Variants in NMU observed in about 807,000 individuals in gnomAD.
The protein encoded by NMU is neuromedin-U.
A neutral mutation model predicts 35.4 loss-of-function variants in NMU; 29 were observed. The ratio of observed to expected loss-of-function variants is 0.82; its 90% CI spans 0.61 to 1.12. The LOEUF (loss-of-function observed/expected upper bound fraction) is 1.12, where lower values mean the gene tolerates loss of function less well. Among genes scored for constraint, NMU ranks in the 50% most tolerant of loss-of-function variants. The pLI is 0.00. For missense variants in NMU, 199 were observed against 206.2 expected (o/e 0.97, Z 0.21); for synonymous variants, 78 against 81.3 (o/e 0.96, Z 0.22).
intron 1 of NMU, among the ~76,000 whole-genome samples, chr4:55,632,610 A>G (rs1715659531): frequency 6.6e-6 from 1 of 152,188 alleles, no homozygotes; most frequent in African/African-American, 2.4e-5. Context: ...CCCTGAGCTC[A>G]TTGTTTTCAG....
chr4:55,618,960 C>T (rs1444939696), intron 2 of NMU, among the ~76,000 whole-genome samples: 1 of 149,650 alleles, frequency 6.7e-6, no homozygotes, highest in Non-Finnish European at 1.5e-5. Context: ...GCCTTGACTT[C>T]TTGGGCTCAA....
intron 8 of NMU, 30 bp downstream of exon 8, chr4:55,600,492 T>A: frequency 7.0e-7 from 1 of 1,435,206 alleles, no homozygotes; most frequent in African/African-American, 1.4e-5. Flanking sequence ...TGGTGTAGAT[T>A]GATTTTTTAA....
chr4:55,603,162 AT>A (rs546911756), intron 7 of NMU, among the ~76,000 whole-genome samples: 129 of 150,972 alleles, frequency 8.5e-4, no homozygotes, highest in Admixed American at 3.8e-3. Context: ...ATGCCAGCTG[AT>A]TTTTTTTTGT....
At chr4:55,605,223 A>T in intron 7 of NMU, 52 bp downstream of exon 7, 1 of 1,211,644 alleles carries the variant, frequency 8.3e-7, no homozygotes, top group Non-Finnish European at 1.2e-6. Context: ...ATTAACAGAA[A>T]GGGCTGCCCC....
chr4:55,606,121 G>A (rs574524137), intron 6 of NMU, among the ~76,000 whole-genome samples: 16 of 152,120 alleles, frequency 1.1e-4, no homozygotes, highest in South Asian at 4.2e-4. Flanking sequence ...ATAATCTTTC[G>A]CCTCCTCATA....
intron 1 of NMU, among the ~76,000 whole-genome samples, chr4:55,631,248 T>C (rs1734742456): frequency 6.6e-6 from 1 of 152,064 alleles, no homozygotes; most frequent in African/African-American, 2.4e-5. Context: ...AAAAACTCTT[T>C]TGGACATTGG....
intron 1 of NMU, among the ~76,000 whole-genome samples, chr4:55,633,124 A>G (rs1366631900): frequency 3.3e-5 from 5 of 152,042 alleles, no homozygotes; most frequent in South Asian, 2.1e-4. Flanking sequence ...GGAGATTGAG[A>G]CGATCCTGGC....
intron 4 of NMU, 95 bp from the exon 5 acceptor site, chr4:55,607,561 T>G (rs1733744376): frequency 4.4e-6 from 2 of 456,580 alleles, no homozygotes; most frequent in Non-Finnish European, 7.8e-6. Flanking sequence ...CATAATTATT[T>G]AAAACACATG....
chr4:55,619,911 A>G (rs1207848660), intron 2 of NMU, among the ~76,000 whole-genome samples: 1 of 127,868 alleles, frequency 7.8e-6, no homozygotes, highest in African/African-American at 2.7e-5. Flanking sequence ...GCACACTGAC[A>G]CCTCACAAGG....
intron 7 of NMU, among the ~76,000 whole-genome samples, chr4:55,603,193 G>A (rs1733494725): frequency 1.3e-5 from 2 of 151,806 alleles, no homozygotes; most frequent in Non-Finnish European, 2.9e-5. Context: ...TGTATTTTTA[G>A]TAGAGACGGG....
chr4:55,605,005 G>C (rs925568361), intron 7 of NMU, among the ~76,000 whole-genome samples: 5 of 152,102 alleles, frequency 3.3e-5, no homozygotes, highest in African/African-American at 1.2e-4. Context: ...CTCACCAAAA[G>C]TCATGGCTTT....
At chr4:55,619,839 T>C (rs1243584548) in intron 2 of NMU, among the ~76,000 whole-genome samples, 2 of 141,394 alleles carry the variant, frequency 1.4e-5, no homozygotes, top group African/African-American at 5.1e-5. Flanking sequence ...GACTGCCTCC[T>C]CAAGTGGGTC....
At chr4:55,625,958 A>G (rs1363167444) in intron 2 of NMU, among the ~76,000 whole-genome samples, 2 of 152,096 alleles carry the variant, frequency 1.3e-5, no homozygotes, top group Non-Finnish European at 2.9e-5. Context: ...AAGCAAAGCT[A>G]TAATCAACCT....
intron 3 of NMU, among the ~76,000 whole-genome samples, chr4:55,615,084 G>C (rs946000465): frequency 6.6e-6 from 1 of 152,206 alleles, no homozygotes; most frequent in Admixed American, 6.5e-5. Context: ...ACTATGTAGG[G>C]AGTATGCCGC....
chr4:55,609,045 A>G, intron 4 of NMU, 75 bp downstream of exon 4: 2 of 1,273,148 alleles, frequency 1.6e-6, no homozygotes, highest in Non-Finnish European at 2.3e-6. Flanking sequence ...AATTGGGCAT[A>G]TTTTCTTCCA....
chr4:55,596,607 C>A (rs946869407), intron 9 of NMU, among the ~76,000 whole-genome samples: 8 of 151,984 alleles, frequency 5.3e-5, no homozygotes, highest in African/African-American at 1.9e-4. Context: ...GATATGTTTT[C>A]TCATATTCCT....
intron 8 of NMU, among the ~76,000 whole-genome samples, chr4:55,599,422 G>A (rs1365392350): frequency 6.6e-6 from 1 of 152,116 alleles, no homozygotes; most frequent in Admixed American, 6.5e-5. Context: ...AGACCACCAT[G>A]AACTAGATGC....
intron 9 of NMU, among the ~76,000 whole-genome samples, chr4:55,596,366 T>G (rs1733182050): frequency 6.6e-6 from 1 of 150,916 alleles, no homozygotes; most frequent in Admixed American, 6.6e-5. Flanking sequence ...TTGGAGGTTT[T>G]TTTTTTTTTT....
intron 6 of NMU, among the ~76,000 whole-genome samples, chr4:55,605,915 G>A (rs1052172736): frequency 3.9e-5 from 6 of 152,172 alleles, no homozygotes; most frequent in African/African-American, 7.2e-5. Context: ...AAAATGTAAA[G>A]GTGTCAAGCC....
Sources: allele counts gnomAD v4.1 joint callset (sites outside exome capture counted in the v4.1 genomes callset), GRCh38; gene constraint gnomAD v4.1.1; transcripts MANE v1.5; gene names NCBI Gene and HGNC (gene_info 2026-07-23, HGNC 2026-07-21).